CHST10: variants seen among roughly 807,000 people sequenced by gnomAD.
The protein encoded by CHST10 is HNK-1 sulfotransferase.
Under a neutral mutation model 34.7 loss-of-function variants are expected in CHST10, and 24 were observed. The ratio of observed to expected loss-of-function variants is 0.69; its 90% CI spans 0.50 to 0.97. CHST10 has a LOEUF of 0.97. Ranked by LOEUF, CHST10 falls within the 50% of genes least tolerant of loss-of-function variation. CHST10 has a pLI of 0.00. For synonymous variants in CHST10, 161 were observed against 169.3 expected (o/e 0.95, Z 0.38); for missense variants, 402 against 452.1 (o/e 0.89, Z 1.00).
At position 100,392,401 on chromosome 2, in the gene CHST10, C is replaced by T. The variant is rs1335866830; in HGVS notation, c.*844G>A. The T allele has an allele frequency of 6.6e-6, 1 of 152,340 alleles. No homozygotes were observed. The highest frequency in any genetic ancestry group is 2.4e-5 in the African/African-American group (1 of 41,460). The allele number at this position is 152,340 out of a possible 1,614,324, so 9.4% of individuals were successfully genotyped here. A position where few individuals can be genotyped will look rare whatever the true frequency, so the allele number is the denominator to read the frequency against. Reference sequence around the variant, plus strand: ...CAAGTCAGAACTGATGCGCCGGGATCCACAGCAGCCTGAGCTCCAAGCCCA... The same window carrying T: ...CAAGTCAGAACTGATGCGCCGGGATTCACAGCAGCCTGAGCTCCAAGCCCA... On this transcript the variant is annotated 3_prime_UTR_variant, in exon 7 of 7. Coordinates refer to ENST00000264249, the MANE Select transcript of CHST10 (RefSeq NM_004854.5).
chr2:100,410,467 C>A (rs561642835), intron 2 of CHST10, among the ~76,000 whole-genome samples: 448 of 152,302 alleles, frequency 2.9e-3, no homozygotes, highest in African/African-American at 0.01. Flanking sequence ...CAGTGCCTGG[C>A]GCACCATGAG....
chr2:100,399,348 C>T lies in CHST10; in HGVS notation c.193-1206G>A, dbSNP rs532342187. ...GTCTTGATCTCCTGACCTTGTGATCCGCCACCTCGGCCTCCCAAAGTGCTG... is the reference window on the plus strand; with the variant it reads ...GTCTTGATCTCCTGACCTTGTGATCTGCCACCTCGGCCTCCCAAAGTGCTG... On this transcript the variant is annotated intron_variant, in intron 4 of 6. Coordinates refer to ENST00000264249, the MANE Select transcript of CHST10 (RefSeq NM_004854.5). 3.4e-3 allele frequency among the ~76,000 whole-genome samples: 517 copies of T among 152,226 alleles called. 1 individual carries two copies. Among genetic ancestry groups the T allele is most frequent in the Admixed American group, 7.8e-3 (120 of 15,288 alleles).
intron 2 of CHST10, among the ~76,000 whole-genome samples, chr2:100,414,466 C>T (rs113045335): frequency 1.1e-4 from 16 of 152,250 alleles, no homozygotes; most frequent in African/African-American, 3.4e-4. Context: ...GCTGCAGAAA[C>T]GGGGACATTT....
intron 4 of CHST10, 30 bp downstream of exon 4, chr2:100,402,534 G>A (rs764024972): frequency 1.6e-5 from 26 of 1,592,682 alleles, no homozygotes; most frequent in Middle Eastern, 1.9e-4. Flanking sequence ...GTGTTCAAGA[G>A]GACAAGGACC....
In CHST10 at chr2:100,393,075, G is replaced by T; in HGVS notation, c.*170C>A. ...GAGCATCTTACATCCAAACTAAGTT[G>T]TAACAGTTGGGGTTCTGCGTCATAT... On this transcript the variant is annotated 3_prime_UTR_variant, in exon 7 of 7. Transcript: ENST00000264249. 2 of 657,140 alleles carry T rather than the reference G, an allele frequency of 3.0e-6. No homozygotes were observed. The highest frequency in any genetic ancestry group is 2.0e-5 in the South Asian group (1 of 51,134). The allele number at this position is 657,140 out of a possible 1,614,324, so 40.7% of individuals were successfully genotyped here.
chr2:100,411,066 T>G (rs746471214), intron 2 of CHST10, among the ~76,000 whole-genome samples: 1 of 152,096 alleles, frequency 6.6e-6, no homozygotes, highest in Non-Finnish European at 1.5e-5. Context: ...AAGAGCTCTT[T>G]TTGTACTTTA....
rs540717246 is a variant in CHST10, at chr2:100,405,229, A to G, written c.100+1347T>C. On this transcript the variant is annotated intron_variant, in intron 3 of 6. Transcript: ENST00000264249. ...GACGGAACCCCGAGTCCCGGGCGTG[A>G]GCTGTCATGCTCAGTGACACCTGCC... Among the ~76,000 whole-genome samples, 6 of 152,254 alleles carry G rather than the reference A, an allele frequency of 3.9e-5. No homozygotes were observed. In the East Asian group the frequency reaches 1.2e-3, roughly 29 times the overall value.
At chr2:100,403,306 C>T (rs1204102729) in intron 3 of CHST10, among the ~76,000 whole-genome samples, 1 of 152,184 alleles carries the variant, frequency 6.6e-6, no homozygotes, top group Non-Finnish European at 1.5e-5. Context: ...ACCAGGTCCA[C>T]AAGGGCATCA....
At chr2:100,401,773 T>C (rs1675352103) in intron 4 of CHST10, among the ~76,000 whole-genome samples, 1 of 152,156 alleles carries the variant, frequency 6.6e-6, no homozygotes, top group Non-Finnish European at 1.5e-5. Flanking sequence ...TGGTGTATGT[T>C]TTCTATGTTT....
chr2:100,417,639 C>G lies in CHST10; in HGVS notation c.-369G>C, dbSNP rs1294612952. 4 of 150,824 alleles carry G rather than the reference C, an allele frequency of 2.7e-5. No homozygotes were observed. The highest frequency in any genetic ancestry group is 9.7e-5 in the African/African-American group (4 of 41,290). 9.3% of individuals were successfully genotyped at this position (150,824 alleles called of 1,614,324 possible). On this transcript the variant is annotated 5_prime_UTR_variant, in exon 1 of 7. Transcript: ENST00000264249. ...CGCCGGCACCGCCTCACGCGGCCCC[C>G]TCGCGCCTATCCGGCCGTGCGCGCC...
chr2:100,396,318 G>A (rs565145885), intron 5 of CHST10, among the ~76,000 whole-genome samples: 5 of 152,368 alleles, frequency 3.3e-5, no homozygotes, highest in African/African-American at 1.2e-4. Flanking sequence ...CCAGGCTGCT[G>A]AATGGAACTT....
chr2:100,395,755 G>C, intron 5 of CHST10, 141 bp from the exon 6 acceptor site: 1 of 554,774 alleles, frequency 1.8e-6, no homozygotes, highest in Non-Finnish European at 3.2e-6. Flanking sequence ...TCCAAGTTTA[G>C]GTCTTTGAAT....
At chr2:100,416,535 G>C (rs1419859668) in intron 1 of CHST10, 1 of 164,040 alleles carries the variant, frequency 6.1e-6, no homozygotes, top group Non-Finnish European at 1.3e-5. Context: ...ACTGAAAAGA[G>C]TGAAGGAGGA....
chr2:100,414,379 C>CAA (rs1242334208), intron 2 of CHST10, among the ~76,000 whole-genome samples: 2 of 151,952 alleles, frequency 1.3e-5, no homozygotes, highest in Non-Finnish European at 2.9e-5. Context: ...CACACACACA[C>CAA]ACAAAAACCT....
intron 2 of CHST10, among the ~76,000 whole-genome samples, chr2:100,412,067 A>G (rs916735331): frequency 3.3e-5 from 5 of 152,190 alleles, no homozygotes; most frequent in Admixed American, 2.6e-4. Flanking sequence ...TTTACATGAA[A>G]AGAGGGGTGG....
chr2:100,408,236 T>C (rs928582851), intron 2 of CHST10: 3 of 150,662 alleles, frequency 2.0e-5, no homozygotes, highest in African/African-American at 5.0e-5. Flanking sequence ...GAGTGTACTG[T>C]AGTTTATCAG....
At position 100,393,746 on chromosome 2, in the gene CHST10, A is replaced by C. The variant is rs1674913775; in HGVS notation, c.570T>G (p.Asp190Glu). Residue 190 changes from aspartate (D) to glutamate (E), a missense_variant, in exon 7 of 7, where the codon GAT becomes GAG. Asp to Glu is a conservative substitution (Grantham distance 45). Transcript: ENST00000264249. ...ATGCAGAAATAAGTCTTTCGAAGGG[A>C]TCTCTTACAATAAAAAACTTGAAGT... ...KTYFKFFIVRDPFERLISAFK... is the reference protein window; with the variant it reads ...KTYFKFFIVREPFERLISAFK... The C allele has an allele frequency of 1.2e-6, 2 of 1,611,524 alleles. No individual in the cohort carries two copies. The highest frequency in any genetic ancestry group is 1.7e-6 in the Non-Finnish European group (2 of 1,179,444).
chr2:100,402,105 C>T lies in CHST10; in HGVS notation c.192+459G>A, dbSNP rs191700798. 7.9e-5 allele frequency among the ~76,000 whole-genome samples: 12 copies of T among 152,350 alleles called. No individual in the cohort carries two copies. The East Asian group carries it at 1.3e-3, about 17-fold the overall frequency. On this transcript the variant is annotated intron_variant, in intron 4 of 6. Transcript: ENST00000264249. ...CAGCCTTGGGCTCCGCCAGGAACTC[C>T]ATGGGACTGTGGAGGATCCACCTTT...
intron 2 of CHST10, among the ~76,000 whole-genome samples, chr2:100,412,356 C>G (rs1675881304): frequency 6.6e-6 from 1 of 152,164 alleles, no homozygotes; most frequent in African/African-American, 2.4e-5. Context: ...CCCAGCTAAG[C>G]ATGGTGTCAT....
Sources: allele counts gnomAD v4.1 joint callset (sites outside exome capture counted in the v4.1 genomes callset), GRCh38; gene constraint gnomAD v4.1.1; transcripts MANE v1.5; gene names NCBI Gene and HGNC (gene_info 2026-07-23, HGNC 2026-07-21).